FHIT: variants seen among roughly 807,000 people sequenced by gnomAD.
FHIT encodes fragile histidine triad diadenosine triphosphatase.
Under a neutral mutation model 17.9 loss-of-function variants are expected in FHIT, and 19 were observed. That is an observed-to-expected ratio of 1.06 (90% CI 0.74 to 1.56). The LOEUF (loss-of-function observed/expected upper bound fraction) is 1.56. Ranked by LOEUF, FHIT falls within the 40% of genes most tolerant of loss-of-function variation. FHIT has a pLI of 0.00. For missense variants in FHIT, 248 were observed against 189.2 expected (o/e 1.31, Z -1.82); for synonymous variants, 81 against 69.7 (o/e 1.16, Z -0.81).
At chr3:61,183,575 A>T (rs2038410691) in intron 2 of FHIT, among the ~76,000 whole-genome samples, 1 of 152,288 alleles carries the variant, frequency 6.6e-6, no homozygotes, top group East Asian at 1.9e-4. Context: ...ACCTCTCTGA[A>T]CATCTGTTCC....
intron 4 of FHIT, among the ~76,000 whole-genome samples, chr3:60,622,276 C>T (rs970210487): frequency 3.3e-5 from 5 of 152,128 alleles, no homozygotes; most frequent in Admixed American, 6.5e-5. Flanking sequence ...GGATTATATC[C>T]ATATCTCAAT....
In FHIT at chr3:60,842,098, T is replaced by C. The variant is rs145005810; in HGVS notation, c.-110-20087A>G. Among the ~76,000 whole-genome samples the C allele has an allele frequency of 3.9e-3, 597 of 152,222 alleles. 1 individual carries two copies. The highest frequency in any genetic ancestry group is 0.014 in the African/African-American group (569 of 41,554). Reference sequence around the variant, plus strand: ...CATGTTAGGACATCCTAGAGAGTAGTTCCCAAAACTTCTAGGCTTCAGAAT... The same window carrying C: ...CATGTTAGGACATCCTAGAGAGTAGCTCCCAAAACTTCTAGGCTTCAGAAT... On this transcript the variant is annotated intron_variant, in intron 3 of 9. Transcript: ENST00000492590.
At position 61,134,453 on chromosome 3, in the gene FHIT, C is replaced by T. The variant is rs2106967745; in HGVS notation, c.-164+66164G>A. On this transcript the variant is annotated intron_variant, in intron 2 of 9. Coordinates refer to ENST00000492590, the MANE Select transcript of FHIT (RefSeq NM_002012.4). Reference sequence around the variant, plus strand: ...TAAACAGGATATAATGGTCTGTGGGCCCACAGGATTTAAGAGCAGATAGGA... The same window carrying T: ...TAAACAGGATATAATGGTCTGTGGGTCCACAGGATTTAAGAGCAGATAGGA... Among the ~76,000 whole-genome samples, 4 of 152,102 alleles carry T rather than the reference C, an allele frequency of 2.6e-5. No homozygotes were observed. The Middle Eastern group carries it at 0.014, about 517-fold the overall frequency.
At chr3:60,766,791 T>C (rs1236731059) in intron 4 of FHIT, among the ~76,000 whole-genome samples, 3 of 152,194 alleles carry the variant, frequency 2.0e-5, no homozygotes, top group Non-Finnish European at 4.4e-5. Flanking sequence ...TGTTAGTATA[T>C]GCCAGGTACT....
At chr3:59,885,799 T>C (rs1237517966) in intron 8 of FHIT, among the ~76,000 whole-genome samples, 2 of 152,246 alleles carry the variant, frequency 1.3e-5, no homozygotes, top group Non-Finnish European at 2.9e-5. Context: ...AGCTTTATAC[T>C]GGGAATTGCA....
chr3:60,354,612 TTGAGAGGATTAGCTCACTGC>T (rs142931018), intron 5 of FHIT, among the ~76,000 whole-genome samples: 20,751 of 152,102 alleles, frequency 0.14, 1,522 homozygotes, highest in Non-Finnish European at 0.17. Context: ...TTTAGTGTTA[TTGAGAGGATTAGCTCACTGC>T]TGAGAGTGAA....
chr3:60,375,558 C>A (rs940910131), intron 5 of FHIT, among the ~76,000 whole-genome samples: 4 of 151,934 alleles, frequency 2.6e-5, no homozygotes, highest in South Asian at 4.2e-4. Context: ...CTGGGTGACA[C>A]GGTGAGTGAG....
chr3:60,518,944 A>G (rs2035259219), intron 5 of FHIT, among the ~76,000 whole-genome samples: 1 of 152,242 alleles, frequency 6.6e-6, no homozygotes, highest in African/African-American at 2.4e-5. Context: ...TGGAGGTTGC[A>G]GTGAGCACCG....
chr3:60,563,286 C>A (rs2037019245), intron 4 of FHIT, among the ~76,000 whole-genome samples: 1 of 152,118 alleles, frequency 6.6e-6, no homozygotes, highest in South Asian at 2.1e-4. Flanking sequence ...TGTGGGGCAG[C>A]AGTTAGGAAA....
At chr3:60,990,592 T>A (rs1339644330) in intron 3 of FHIT, among the ~76,000 whole-genome samples, 1 of 152,214 alleles carries the variant, frequency 6.6e-6, no homozygotes, top group African/African-American at 2.4e-5. Context: ...ATTTTTATAA[T>A]AAGCAATAAA....
At chr3:60,418,675 A>C (rs1477414015) in intron 5 of FHIT, among the ~76,000 whole-genome samples, 2 of 150,132 alleles carry the variant, frequency 1.3e-5, no homozygotes, top group Admixed American at 6.7e-5. Context: ...ATCCACTAAC[A>C]ATTGTGTGTG....
At chr3:59,891,305 A>T (rs73100697) in intron 8 of FHIT, among the ~76,000 whole-genome samples, 4,258 of 152,260 alleles carry the variant, frequency 0.028, 80 homozygotes, top group South Asian at 0.079. Context: ...CTAACCACAA[A>T]CCAGGAAAAG....
intron 7 of FHIT, among the ~76,000 whole-genome samples, chr3:59,956,452 G>A (rs973460376): frequency 2.0e-5 from 3 of 152,176 alleles, no homozygotes; most frequent in African/African-American, 7.2e-5. Flanking sequence ...GGCAGATCTT[G>A]AGGTCAAGAG....
intron 3 of FHIT, among the ~76,000 whole-genome samples, chr3:60,983,137 G>T (rs532566092): frequency 0.063 from 3,049 of 48,562 alleles, 96 homozygotes; most frequent in African/African-American, 0.22. Context: ...CTTCTCTCTT[G>T]TGTGTGTGTG....
At chr3:60,563,525 G>C (rs1453040707) in intron 4 of FHIT, among the ~76,000 whole-genome samples, 1 of 152,204 alleles carries the variant, frequency 6.6e-6, no homozygotes, top group Non-Finnish European at 1.5e-5. Flanking sequence ...CCAAAAGCTA[G>C]GCCTCTTGGG....
intron 8 of FHIT, among the ~76,000 whole-genome samples, chr3:59,876,928 G>C (rs935614406): frequency 6.6e-6 from 1 of 152,174 alleles, no homozygotes; most frequent in African/African-American, 2.4e-5. Context: ...CACATGCTCA[G>C]CTAGCTGAGG....
rs114662813 is a variant in FHIT at position 61,024,430 on chromosome 3, C to T, written c.-111+17617G>A. Among the ~76,000 whole-genome samples, 825 of 152,162 alleles carry T rather than the reference C, an allele frequency of 5.4e-3. 6 individuals are homozygous for T. The highest frequency in any genetic ancestry group is 0.018 in the African/African-American group (762 of 41,526). On this transcript the variant is annotated intron_variant, in intron 3 of 9. Coordinates refer to ENST00000492590, the MANE Select transcript of FHIT (RefSeq NM_002012.4). ...AGATTAGGTCTTCAAAGAGGCTGAG[C>T]TAAGAATTCTCCTAAGCTTTAAATT... is the stretch of plus-strand genomic sequence containing the variant.
intron 8 of FHIT, among the ~76,000 whole-genome samples, chr3:59,871,913 G>C (rs1054884995): frequency 3.9e-5 from 6 of 152,168 alleles, no homozygotes; most frequent in Non-Finnish European, 8.8e-5. Flanking sequence ...GAGTCAATTT[G>C]TGATACGTGT....
intron 8 of FHIT, among the ~76,000 whole-genome samples, chr3:59,851,702 A>T (rs1012487961): frequency 6.6e-6 from 1 of 152,214 alleles, no homozygotes; most frequent in Non-Finnish European, 1.5e-5. Flanking sequence ...AAAACTACAG[A>T]ATATCACTAT....
Sources: gnomAD v4.1 joint callset for allele counts (sites outside exome capture counted in the v4.1 genomes callset) on GRCh38, gnomAD v4.1.1 for gene constraint, MANE v1.5 for transcripts, NCBI Gene and HGNC (gene_info 2026-07-23, HGNC 2026-07-21) for gene names.